The following SLC27A4 variants were observed in gnomAD, a reference collection of about 807,000 sequenced individuals.
SLC27A4 encodes the protein long-chain fatty acid transport protein 4.
Under a neutral mutation model 64.4 loss-of-function variants are expected in SLC27A4, and 33 were observed. That is an observed-to-expected ratio of 0.51 (90% confidence interval 0.39 to 0.68). SLC27A4 has a LOEUF of 0.68. Ranked by LOEUF, SLC27A4 falls within the 30% of genes least tolerant of loss-of-function variation. The pLI, the probability that SLC27A4 is intolerant of heterozygous loss-of-function variation, is 0.00. For missense variants in SLC27A4, 824 were observed against 883.5 expected (o/e 0.93, Z 0.85); for synonymous variants, 377 against 370.0 (o/e 1.02, Z -0.22).
chr9:128,352,625 C>T lies in SLC27A4; in HGVS notation c.878-13C>T. The T allele has an allele frequency of 6.2e-7, 1 of 1,606,648 alleles. No homozygotes were observed. Among genetic ancestry groups the T allele is most frequent in the Non-Finnish European group, 8.5e-7 (1 of 1,173,212 alleles). ...ATCTCGCTGACCCTCAGGGGCCATC[C>T]CTCTGCCTCCAGGAAACATCGTGGG... On this transcript the variant is annotated splice_polypyrimidine_tract_variant and intron_variant, in intron 6 of 12. Coordinates refer to ENST00000300456, the MANE Select transcript of SLC27A4 (RefSeq NM_005094.4).
chr9:128,349,269 G>A (rs1276058411), intron 4 of SLC27A4, among the ~76,000 whole-genome samples: 1 of 152,088 alleles, frequency 6.6e-6, no homozygotes, highest in Non-Finnish European at 1.5e-5. Context: ...AAGCCACATT[G>A]CCTGGTGGCT....
At chr9:128,351,580 G>C (rs1435864980) in intron 6 of SLC27A4, among the ~76,000 whole-genome samples, 1 of 151,934 alleles carries the variant, frequency 6.6e-6, no homozygotes, top group Non-Finnish European at 1.5e-5. Flanking sequence ...AGCTGGGCTT[G>C]GTGGCGGGTG....
At position 128,360,480 on chromosome 9, in the gene SLC27A4, G is replaced by T; in HGVS notation, c.1921G>T (p.Glu641Ter). The change falls in exon 13 of 13, where the codon GAG becomes TAG. Residue 641 changes from glutamate (E) to a stop codon, truncating the protein, a stop_gained. Coordinates refer to ENST00000300456, the MANE Select transcript of SLC27A4 (RefSeq NM_005094.4). LOFTEE classifies it high-confidence loss of function. The part of the protein sequence containing the change: ...EAYSRIQAGE[E>*]KL ...CTACAGCCGCATCCAGGCAGGCGAG[G>T]AGAAGCTGTGATTCCCCCCATCCCT... 6.2e-7 allele frequency: 1 copy of T among 1,613,910 alleles called. No homozygotes were observed. The highest frequency in any genetic ancestry group is 1.1e-5 in the South Asian group (1 of 91,072).
chr9:128,342,162 G>C, intron 1 of SLC27A4: 1 of 1,156,368 alleles, frequency 8.6e-7, no homozygotes, highest in Non-Finnish European at 1.3e-6. Flanking sequence ...AGGACAACTC[G>C]GTGGTGGCCA....
intron 12 of SLC27A4, among the ~76,000 whole-genome samples, chr9:128,359,787 A>G (rs1271271064): frequency 1.3e-5 from 2 of 152,220 alleles, no homozygotes; most frequent in African/African-American, 4.8e-5. Context: ...CCTGGGTGAT[A>G]GAGTGAGACC....
intron 3 of SLC27A4, 128 bp from the exon 4 acceptor site, chr9:128,348,417 G>C (rs536547575): frequency 8.6e-7 from 1 of 1,160,642 alleles, no homozygotes; most frequent in Non-Finnish European, 1.3e-6. Context: ...TGAAGGCCCA[G>C]TTGCTTCACT....
At position 128,345,513 on chromosome 9, in the gene SLC27A4, G is replaced by C. The variant is rs139712194; in HGVS notation, c.520G>C (p.Ala174Pro). The change falls in exon 3 of 13, where the codon GCA becomes CCA. Residue 174 changes from alanine to proline, a missense_variant. By Grantham distance (27) the Ala-to-Pro change is conservative. Transcript: ENST00000300456. The surrounding 1 kb of genome is among the most constrained non-coding windows in gnomAD (Gnocchi z 4.1). ...ALLHCLTTSR[A>P]RALVFGSEMA... is the part of the protein sequence containing the mutation. ...GCTCCACTGCCTCACCACCTCGCGC[G>C]CACGGGCCCTTGTCTTTGGCAGCGA... 6.2e-7 allele frequency: 1 copy of C among 1,609,048 alleles called. No individual in the cohort carries two copies. Among genetic ancestry groups the C allele is most frequent in the Non-Finnish European group, 8.5e-7 (1 of 1,178,308 alleles).
intron 7 of SLC27A4, 135 bp downstream of exon 7, chr9:128,352,882 T>G (rs144684212): frequency 4.9e-5 from 52 of 1,061,158 alleles, no homozygotes; most frequent in Middle Eastern, 3.9e-4. Flanking sequence ...GTTCCCATTG[T>G]TCAGATGGGA....
rs1036353682 is a variant in SLC27A4, at chr9:128,353,747, T to C, written c.1324+206T>C. ...ACATCAGTCCATTCATTCATTCTTTTTTTTTTTTTTATTTGAGACGGAGTC... is the reference window on the plus strand; with the variant it reads ...ACATCAGTCCATTCATTCATTCTTTCTTTTTTTTTTATTTGAGACGGAGTC... On this transcript the variant is annotated intron_variant, in intron 9 of 12. Transcript: ENST00000300456. This position sits in a 1 kb window ranked among gnomAD's most constrained non-coding sequence, Gnocchi z 4.9. 2.6e-5 allele frequency among the ~76,000 whole-genome samples: 4 copies of C among 151,060 alleles called. No homozygotes were observed. Among genetic ancestry groups the C allele is most frequent in the Admixed American group, 2.6e-4 (4 of 15,210 alleles).
At chr9:128,343,093 G>T (rs201784028) in intron 1 of SLC27A4, 34 bp from the exon 2 acceptor site, 15 of 1,611,562 alleles carry the variant, frequency 9.3e-6, no homozygotes, top group Non-Finnish European at 1.2e-5. Context: ...GGAGGGTTGG[G>T]TGTTTGGGTC....
Position 128,345,098 on chromosome 9 carries a change from C to A in SLC27A4, c.162-57C>A. The A allele has an allele frequency of 1.2e-6, 2 of 1,607,832 alleles. No individual in the cohort carries two copies. Among genetic ancestry groups the A allele is most frequent in the South Asian group, 2.2e-5 (2 of 90,764 alleles). ...GAGGCAGCAGCCTGGGGTAGGGTGT[C>A]AGGACCCCTCCCTCCCAACCATGGC... is the stretch of plus-strand genomic sequence containing the variant. On this transcript the variant is annotated intron_variant, in intron 2 of 12. Coordinates refer to ENST00000300456, the MANE Select transcript of SLC27A4 (RefSeq NM_005094.4). The surrounding 1 kb of genome is among the most constrained non-coding windows in gnomAD (Gnocchi z 4.1).
At position 128,353,423 on chromosome 9, in the gene SLC27A4, C is replaced by T; in HGVS notation, c.1206C>T (p.Ala402=). ...AGTCTTGGCCTTCGCAGGTGGGGGC[C>T]TGTGGTTTCAATAGCCGCATCCTGT... ...SLGNFDSQVG[A]CGFNSRILSF... The change falls in exon 9 of 13, where the codon GCC becomes GCT. Residue 402 remains alanine (A), a synonymous_variant. Coordinates refer to ENST00000300456, the MANE Select transcript of SLC27A4 (RefSeq NM_005094.4). The surrounding 1 kb of genome is among the most constrained non-coding windows in gnomAD (Gnocchi z 4.9). 1.2e-6 allele frequency: 2 copies of T among 1,614,192 alleles called. No individual in the cohort carries two copies. Among genetic ancestry groups the T allele is most frequent in the Non-Finnish European group, 1.7e-6 (2 of 1,180,046 alleles).
In SLC27A4 at chr9:128,350,555, T is replaced by TCC. The variant is rs1832719728; in HGVS notation, c.861_862dup (p.Leu288ProfsTer20). On this transcript the variant is annotated frameshift_variant, in exon 6 of 13. Coordinates refer to ENST00000300456, the MANE Select transcript of SLC27A4 (RefSeq NM_005094.4). LOFTEE classifies it high-confidence loss of function. The stretch of plus-strand genomic sequence containing the variant: ...CCCAACGACATCGTCTATGACTGCC[T>TCC]CCCCCTCTACCACTCAGCAGGTAAC... 1.9e-6 allele frequency: 3 copies of TCC among 1,612,660 alleles called. No homozygotes were observed. Among genetic ancestry groups the TCC allele is most frequent in the Non-Finnish European group, 2.5e-6 (3 of 1,179,330 alleles).
At chr9:128,341,093 G>C (rs1832564258) in intron 1 of SLC27A4, among the ~76,000 whole-genome samples, 1 of 152,234 alleles carries the variant, frequency 6.6e-6, no homozygotes, top group South Asian at 2.1e-4. Flanking sequence ...CTCTGCTATG[G>C]CGGGCTATGG....
In SLC27A4 at chr9:128,355,403, G is replaced by A; in HGVS notation, c.1468G>A (p.Val490Met). 6.2e-7 allele frequency: 1 copy of A among 1,613,698 alleles called. No homozygotes were observed. The highest frequency in any genetic ancestry group is 1.3e-5 in the African/African-American group (1 of 75,066). ...KGDQAYLTGD[V>M]LVMDELGYLY... The stretch of plus-strand genomic sequence containing the variant: ...CTCATCCGGCCCCTCCCTAGGTGAT[G>A]TGCTGGTGATGGACGAGCTGGGCTA... Residue 490 changes from valine to methionine, a missense_variant, in exon 11 of 13, where the codon GTG (valine) becomes ATG (methionine). Transcript: ENST00000300456.
Position 128,355,576 on chromosome 9 carries a change from G to A in SLC27A4, c.1627+14G>A, listed in dbSNP as rs1832807048. ...TCGAGGTGCCAGGTATGTGCAGGCA[G>A]GCGCGAGGTGTGGGTAGGGAGGCAC... is the stretch of plus-strand genomic sequence containing the variant. On this transcript the variant is annotated intron_variant, in intron 11 of 12. Transcript: ENST00000300456. 6.2e-7 allele frequency: 1 copy of A among 1,608,350 alleles called. No individual in the cohort carries two copies. Among genetic ancestry groups the A allele is most frequent in the Non-Finnish European group, 8.5e-7 (1 of 1,179,994 alleles).
intron 4 of SLC27A4, among the ~76,000 whole-genome samples, chr9:128,349,087 A>C (rs12378804): frequency 6.6e-6 from 1 of 152,136 alleles, no homozygotes; most frequent in Non-Finnish European, 1.5e-5. Context: ...TTGTATATTC[A>C]TCAAGTGCCT....
chr9:128,342,287 A>G, intron 1 of SLC27A4: 4 of 1,611,552 alleles, frequency 2.5e-6, no homozygotes, highest in Non-Finnish European at 3.4e-6. Context: ...TCGAAACTGA[A>G]GAAGACAGAG....
chr9:128,360,592 T>A lies in SLC27A4; in HGVS notation c.*101T>A. ...AGGCCAGACCAAAGCAAGCAGGGCC[T>A]GGCACCTCCATCCTGAGGTGCTGCC... On this transcript the variant is annotated 3_prime_UTR_variant, in exon 13 of 13. Coordinates refer to ENST00000300456, the MANE Select transcript of SLC27A4 (RefSeq NM_005094.4). The A allele has an allele frequency of 7.7e-7, 1 of 1,290,470 alleles. No individual in the cohort carries two copies. The highest frequency in any genetic ancestry group is 1.1e-6 in the Non-Finnish European group (1 of 907,370). 79.9% of individuals were successfully genotyped at this position (1,290,470 alleles called of 1,614,324 possible).
Sources: allele counts gnomAD v4.1 joint callset (sites outside exome capture counted in the v4.1 genomes callset), GRCh38; gene constraint gnomAD v4.1.1; non-coding constraint Gnocchi (gnomAD v3.1); transcripts MANE v1.5; gene names NCBI Gene and HGNC (gene_info 2026-07-23, HGNC 2026-07-21).